Variants in PRDM2 observed in about 807,000 individuals in gnomAD.
PRDM2 encodes the protein PR domain zinc finger protein 2.
A neutral mutation model predicts 130.0 loss-of-function variants in PRDM2; 30 were observed. That is an observed-to-expected ratio of 0.23 (90% CI 0.17 to 0.31). The LOEUF is 0.31. Among genes scored for constraint, PRDM2 ranks in the 10% least tolerant of loss-of-function variants. The pLI, the probability that PRDM2 is intolerant of heterozygous loss-of-function variation, is 1.00. For missense variants in PRDM2, 2,011 were observed against 2,108.4 expected, an observed-to-expected ratio of 0.95 and a Z score of 0.90; for synonymous variants, 871 against 782.4, an observed-to-expected ratio of 1.11 and a Z score of -1.89.
In PRDM2 at chr1:13,780,839, C is replaced by T. The variant is rs1180428884; in HGVS notation, c.3044C>T (p.Thr1015Ile). 6.2e-7 allele frequency: 1 copy of T among 1,607,354 alleles called. No individual in the cohort carries two copies. The highest frequency in any genetic ancestry group is 1.7e-5 in the Admixed American group (1 of 59,804). Residue 1015 changes from threonine to isoleucine, a missense_variant, in exon 8 of 10, where the codon ACC becomes ATC. By Grantham distance (89) the Thr-to-Ile change is moderately conservative. Around this residue, in one of 5 missense-constraint regions of PRDM2, gnomAD observed 1,288 missense variants for 1,237.7 expected, o/e 1.04. Transcript: ENST00000311066. ...HPCPSPLSNATAQSPLPILSP... is the reference protein window; with the variant it reads ...HPCPSPLSNAIAQSPLPILSP... ...TGCCCCTCTCCACTCTCAAATGCCACCGCACAGTCCCCACTTCCAATTCTG... is the reference window on the plus strand; with the variant it reads ...TGCCCCTCTCCACTCTCAAATGCCATCGCACAGTCCCCACTTCCAATTCTG...
chr1:13,793,233 C>T (rs1475677360), intron 8 of PRDM2, among the ~76,000 whole-genome samples: 1 of 152,232 alleles, frequency 6.6e-6, no homozygotes, highest in African/African-American at 2.4e-5. Context: ...AGCTCTGTGC[C>T]CCCCACCTGC....
intron 8 of PRDM2, among the ~76,000 whole-genome samples, chr1:13,788,357 C>T (rs1644782371): frequency 6.6e-6 from 1 of 152,194 alleles, no homozygotes; most frequent in African/African-American, 2.4e-5. Context: ...ATAATTTCAT[C>T]TGTGGGGTCT....
rs530070196 is a variant in PRDM2, at chr1:13,735,304, G to C, written c.231+2422G>C. Among the ~76,000 whole-genome samples the C allele has an allele frequency of 2.6e-5, 4 of 152,324 alleles. No individual in the cohort carries two copies. The South Asian group carries it at 8.3e-4, about 32-fold the overall frequency. ...CACAAAATAGGTTCTCACAAGAAGA[G>C]AGCGTTCTTCGATGAGTTTCTGGCA... is the stretch of plus-strand genomic sequence containing the variant. On this transcript the variant is annotated intron_variant, in intron 4 of 9. Transcript: ENST00000311066.
chr1:13,715,691 G>A, intron 2 of PRDM2, 77 bp downstream of exon 2: 3 of 1,265,806 alleles, frequency 2.4e-6, no homozygotes, highest in Non-Finnish European at 3.3e-6. Context: ...CAAGATAGTA[G>A]CACACACATT....
chr1:13,704,515 C>T (rs1481245038), intron 1 of PRDM2, among the ~76,000 whole-genome samples: 3 of 152,140 alleles, frequency 2.0e-5, no homozygotes, highest in Non-Finnish European at 2.9e-5. Flanking sequence ...TATTTTGTAG[C>T]TCTTGCAATA....
intron 2 of PRDM2, among the ~76,000 whole-genome samples, chr1:13,718,458 T>G (rs1166554360): frequency 1.3e-5 from 2 of 152,212 alleles, no homozygotes; most frequent in Admixed American, 6.5e-5. Flanking sequence ...CTTTCAGCAC[T>G]GACTATTGAG....
chr1:13,780,324 G>A lies in PRDM2; in HGVS notation c.2529G>A (p.Gln843=). 1 of 1,614,168 alleles carries A rather than the reference G, an allele frequency of 6.2e-7. No homozygotes were observed. Among genetic ancestry groups the A allele is most frequent in the Non-Finnish European group, 8.5e-7 (1 of 1,180,036 alleles). Reference sequence around the variant, plus strand: ...AGGGTACAGGCAAGACTCCAGTCCAGTGGGAATCTGTCTTAGATCTCAGTG... The same window carrying A: ...AGGGTACAGGCAAGACTCCAGTCCAATGGGAATCTGTCTTAGATCTCAGTG... ...KAEGTGKTPV[Q]WESVLDLSVH... is the part of the protein sequence containing the mutation. Residue 843 remains glutamine, a synonymous_variant, in exon 8 of 10, where the codon CAG becomes CAA. Coordinates refer to ENST00000311066, the MANE Select transcript of PRDM2 (RefSeq NM_001393986.1).
intron 6 of PRDM2, among the ~76,000 whole-genome samples, chr1:13,753,980 A>G (rs1291631951): frequency 2.0e-5 from 3 of 152,186 alleles, no homozygotes; most frequent in Admixed American, 6.5e-5. Context: ...TGGGGAGTAC[A>G]GGCCAACAGA....
intron 4 of PRDM2, among the ~76,000 whole-genome samples, chr1:13,740,296 G>A (rs759774840): frequency 2.6e-5 from 4 of 152,208 alleles, no homozygotes; most frequent in Non-Finnish European, 4.4e-5. Flanking sequence ...GTTTGTCTCC[G>A]TAGTCTCATC....
intron 8 of PRDM2, among the ~76,000 whole-genome samples, chr1:13,798,580 A>G (rs982995961): frequency 6.6e-6 from 1 of 152,220 alleles, no homozygotes; most frequent in Non-Finnish European, 1.5e-5. Flanking sequence ...TACACACACC[A>G]AAGATTCGAG....
At chr1:13,748,425 GTTCA>G (rs1292126809) in intron 5 of PRDM2, among the ~76,000 whole-genome samples, 1 of 152,062 alleles carries the variant, frequency 6.6e-6, no homozygotes, top group Non-Finnish European at 1.5e-5. Context: ...TTATTTACTT[GTTCA>G]TTCCTTCCTT....
chr1:13,742,378 T>A (rs977757070), intron 5 of PRDM2, among the ~76,000 whole-genome samples: 5 of 152,124 alleles, frequency 3.3e-5, no homozygotes, highest in African/African-American at 9.7e-5. Context: ...AGTTTTGAAT[T>A]TTTTGTAGAG....
chr1:13,797,416 G>T (rs1401355879), intron 8 of PRDM2, among the ~76,000 whole-genome samples: 1 of 152,214 alleles, frequency 6.6e-6, no homozygotes, highest in South Asian at 2.1e-4. Flanking sequence ...ACTGGTGTCA[G>T]ATATTGTAGT....
Position 13,782,234 on chromosome 1 carries a change from A to G in PRDM2, c.4439A>G (p.Lys1480Arg). Residue 1480 changes from lysine to arginine, a missense_variant, in exon 8 of 10, where the codon AAA becomes AGA. Lys to Arg is a conservative substitution (Grantham distance 26). This residue lies in a region of PRDM2 where 410 missense variants were observed against 395.9 expected (regional missense o/e 1.04). Transcript: ENST00000311066. ...AAACACGCCGCCTTCAGCTGTCCCA[A>G]AAAACCCCTTTCTCCTCCCAAAAAA... ...LNKHAAFSCP[K>R]KPLSPPKKKV... 6.2e-7 allele frequency: 1 copy of G among 1,613,664 alleles called. No individual in the cohort carries two copies. The highest frequency in any genetic ancestry group is 8.5e-7 in the Non-Finnish European group (1 of 1,179,942).
chr1:13,700,427 C>G (rs1206755282), intron 1 of PRDM2, 127 bp downstream of exon 1: 1 of 149,990 alleles, frequency 6.7e-6, no homozygotes, highest in Non-Finnish European at 1.5e-5. Flanking sequence ...ATGGCCGGGT[C>G]GGCGGACGCG....
chr1:13,720,146 A>G (rs965228226), intron 2 of PRDM2, among the ~76,000 whole-genome samples: 2 of 152,226 alleles, frequency 1.3e-5, no homozygotes, highest in Admixed American at 1.3e-4. Context: ...AAAGCATGTA[A>G]AAGGAGTTAC....
At chr1:13,753,682 C>T (rs1289253108) in intron 6 of PRDM2, among the ~76,000 whole-genome samples, 1 of 152,150 alleles carries the variant, frequency 6.6e-6, no homozygotes, top group Non-Finnish European at 1.5e-5. Flanking sequence ...ACTATTGACC[C>T]TCCCTAAGAG....
At position 13,782,391 on chromosome 1, in the gene PRDM2, C is replaced by G. The variant is rs757993100; in HGVS notation, c.4596C>G (p.Gly1532=). 10 of 1,613,866 alleles carry G rather than the reference C, an allele frequency of 6.2e-6. No homozygotes were observed. In the East Asian group the frequency reaches 1.6e-4, roughly 25 times the overall value. The change falls in exon 8 of 10, where the codon GGC becomes GGG. Residue 1532 remains glycine, a synonymous_variant. Transcript: ENST00000311066. ...IKMQSMQTPL[G]KTRARSSGPT... ...TGCAAAGCATGCAGACTCCGTTGGGCAAGACCAGAGCCCGCAGCTCAGGCC... is the reference window on the plus strand; with the variant it reads ...TGCAAAGCATGCAGACTCCGTTGGGGAAGACCAGAGCCCGCAGCTCAGGCC...
intron 8 of PRDM2, among the ~76,000 whole-genome samples, chr1:13,800,687 T>C (rs1030501102): frequency 1.3e-5 from 2 of 152,174 alleles, no homozygotes; most frequent in South Asian, 2.1e-4. Flanking sequence ...AAAAGGTTGA[T>C]GAACACACAC....
Sources: allele counts gnomAD v4.1 joint callset (sites outside exome capture counted in the v4.1 genomes callset), GRCh38; gene constraint gnomAD v4.1.1; regional missense constraint gnomAD v4.1.1; transcripts MANE v1.5; gene names NCBI Gene and HGNC (gene_info 2026-07-23, HGNC 2026-07-21).